Variants in BCAR3 observed in about 807,000 individuals in gnomAD.
BCAR3 encodes breast cancer anti-estrogen resistance protein 3.
In BCAR3, 37 loss-of-function variants were observed where a neutral mutation model predicts 80.1. The observed-to-expected ratio is 0.46, with a 90% CI of 0.36 to 0.61. The LOEUF is 0.61. Among genes scored for constraint, BCAR3 ranks in the 20% least tolerant of loss-of-function variants. The pLI is 0.00. For synonymous variants in BCAR3, 389 were observed against 418.9 expected, an observed-to-expected ratio of 0.93 and a Z score of 0.87; for missense variants, 978 against 1,068.2, an observed-to-expected ratio of 0.92 and a Z score of 1.18.
chr1:93,672,062 G>T lies in BCAR3; in HGVS notation c.317+2552C>A, dbSNP rs138109231. 6.8e-3 allele frequency among the ~76,000 whole-genome samples: 1,028 copies of T among 152,238 alleles called. 9 individuals are homozygous for T. In the Middle Eastern group the frequency reaches 0.071, roughly 11 times the overall value. On this transcript the variant is annotated intron_variant, in intron 2 of 11. Transcript: ENST00000260502. ...AAGATATTTTCAGTTAAGAAAAAAA[G>T]ATGTGAATTTGGATTAATATAGCTC...
At position 93,592,457 on chromosome 1, in the gene BCAR3, G is replaced by A; in HGVS notation, c.358-64C>T. ...GCCACACCAGGCCATGCCAGCTGGAGGTGACCGCCTGCTTCACTAATCCAA... is the reference window on the plus strand; with the variant it reads ...GCCACACCAGGCCATGCCAGCTGGAAGTGACCGCCTGCTTCACTAATCCAA... On this transcript the variant is annotated intron_variant, in intron 3 of 11. Transcript: ENST00000260502. The surrounding 1 kb of genome is among the most constrained non-coding windows in gnomAD (Gnocchi z 4.8). 6.6e-7 allele frequency: 1 copy of A among 1,514,086 alleles called. No individual in the cohort carries two copies. Among genetic ancestry groups the A allele is most frequent in the South Asian group, 1.3e-5 (1 of 77,846 alleles). 93.8% of individuals were successfully genotyped at this position (1,514,086 alleles called of 1,614,324 possible).
intron 7 of BCAR3, among the ~76,000 whole-genome samples, chr1:93,579,085 T>TG (rs1673591348): frequency 6.6e-6 from 1 of 151,994 alleles, no homozygotes; most frequent in Admixed American, 6.5e-5. Flanking sequence ...ACTAGGCCCT[T>TG]GGGGGGTGGG....
intron 3 of BCAR3, among the ~76,000 whole-genome samples, chr1:93,595,991 T>C (rs911952926): frequency 1.3e-5 from 2 of 152,228 alleles, no homozygotes; most frequent in South Asian, 2.1e-4. Context: ...ATTCATGGCA[T>C]AGGCTAGTTT....
At chr1:93,569,916 T>G (rs1673139504) in intron 9 of BCAR3, among the ~76,000 whole-genome samples, 1 of 152,212 alleles carries the variant, frequency 6.6e-6, no homozygotes, top group African/African-American at 2.4e-5. Context: ...GCCTGGCCTG[T>G]TGGCTCTGCT....
At chr1:93,735,767 G>T (rs1449608414) in intron 2 of BCAR3, among the ~76,000 whole-genome samples, 1 of 152,248 alleles carries the variant, frequency 6.6e-6, no homozygotes, top group Non-Finnish European at 1.5e-5. Context: ...TTTGGACCAA[G>T]GCAGCTCGCT....
At chr1:93,822,191 T>TC (rs1198520101) in intron 2 of BCAR3, among the ~76,000 whole-genome samples, 4 of 151,850 alleles carry the variant, frequency 2.6e-5, no homozygotes, top group Non-Finnish European at 5.9e-5. Context: ...TTTTTCTTTT[T>TC]TTTTTTTTGA....
chr1:93,566,814 G>A (rs758030934), intron 11 of BCAR3, among the ~76,000 whole-genome samples: 28 of 152,096 alleles, frequency 1.8e-4, no homozygotes, highest in Non-Finnish European at 3.5e-4. Flanking sequence ...TGCAACCTCC[G>A]CCTCCCGGGT....
Position 93,590,617 on chromosome 1 carries a change from T to C in BCAR3, c.487-1198A>G, listed in dbSNP as rs923000738. 3.2e-4 allele frequency among the ~76,000 whole-genome samples: 48 copies of C among 152,326 alleles called. 1 individual carries two copies. Among genetic ancestry groups the C allele is most frequent in the African/African-American group, 1.1e-3 (47 of 41,582 alleles). The stretch of plus-strand genomic sequence containing the variant: ...TAATTCTGACAATTTTTCTGGAACA[T>C]TCCAACATTTGATCAACAGTATACT... On this transcript the variant is annotated intron_variant, in intron 4 of 11. Transcript: ENST00000260502.
intron 5 of BCAR3, among the ~76,000 whole-genome samples, chr1:93,584,757 A>C (rs1159917123): frequency 6.6e-6 from 1 of 152,208 alleles, no homozygotes; most frequent in Non-Finnish European, 1.5e-5. Flanking sequence ...GTGTAACCAC[A>C]CAAGGAAAAG....
At chr1:93,731,373 T>A (rs142495396) in intron 2 of BCAR3, among the ~76,000 whole-genome samples, 1 of 152,244 alleles carries the variant, frequency 6.6e-6, no homozygotes, top group Non-Finnish European at 1.5e-5. Flanking sequence ...GAGGATTCTA[T>A]GGGAATTTCC....
chr1:93,641,650 C>T (rs775552512), intron 3 of BCAR3, among the ~76,000 whole-genome samples: 2 of 152,164 alleles, frequency 1.3e-5, no homozygotes, highest in Non-Finnish European at 2.9e-5. Context: ...AAGCATTGAC[C>T]GCCAGTCCGG....
intron 3 of BCAR3, among the ~76,000 whole-genome samples, chr1:93,610,782 C>G (rs912300862): frequency 6.6e-5 from 10 of 152,102 alleles, no homozygotes; most frequent in Non-Finnish European, 1.5e-4. Context: ...CCTGTCTCTA[C>G]TAAAAATACC....
intron 4 of BCAR3, among the ~76,000 whole-genome samples, chr1:93,591,124 GAAT>G (rs1280143730): frequency 1.0e-5 from 1 of 98,624 alleles, no homozygotes; most frequent in Non-Finnish European, 2.0e-5. Context: ...AACAAAGTCA[GAAT>G]AATAATTATT....
rs1483747100 is a variant in BCAR3 at position 93,578,232 on chromosome 1, C to A, written c.1687-2103G>T. Among the ~76,000 whole-genome samples the A allele has an allele frequency of 2.0e-5, 3 of 152,178 alleles. 1 individual carries two copies. The highest frequency in any genetic ancestry group is 2.0e-4 in the Admixed American group (3 of 15,284). On this transcript the variant is annotated intron_variant, in intron 7 of 11. Coordinates refer to ENST00000260502, the MANE Select transcript of BCAR3 (RefSeq NM_003567.4). ...GAGCCCTGATGGGGTCCCGGCCCAG[C>A]CCTCCTCCCAGCCGCAAGGGCCTTT...
intron 8 of BCAR3, 98 bp downstream of exon 8, chr1:93,575,916 C>G: frequency 1.0e-6 from 1 of 1,002,494 alleles, no homozygotes; most frequent in Non-Finnish European, 1.5e-6. Context: ...TACCCCAGGG[C>G]TAGGCTGGTG....
intron 3 of BCAR3, among the ~76,000 whole-genome samples, chr1:93,705,027 A>G (rs1649786689): frequency 6.6e-6 from 1 of 152,216 alleles, no homozygotes; most frequent in South Asian, 2.1e-4. Flanking sequence ...TGTTTAAAGC[A>G]TCTTTTCTAT....
intron 3 of BCAR3, among the ~76,000 whole-genome samples, chr1:93,690,396 T>G (rs1649148484): frequency 6.6e-6 from 1 of 152,248 alleles, no homozygotes; most frequent in Non-Finnish European, 1.5e-5. Flanking sequence ...CTACATACAT[T>G]AACTCATTTG....
At chr1:93,619,324 G>A (rs1557624730) in intron 3 of BCAR3, among the ~76,000 whole-genome samples, 1 of 152,092 alleles carries the variant, frequency 6.6e-6, no homozygotes, top group Non-Finnish European at 1.5e-5. Flanking sequence ...GGCCCAACCA[G>A]AAACAGAAAC....
At chr1:93,742,593 A>G (rs866290816) in intron 2 of BCAR3, among the ~76,000 whole-genome samples, 1 of 152,312 alleles carries the variant, frequency 6.6e-6, no homozygotes, top group Middle Eastern at 3.4e-3. Context: ...ATTTTCACCC[A>G]TTAGAAGCAG....
Sources: allele counts gnomAD v4.1 joint callset (sites outside exome capture counted in the v4.1 genomes callset), GRCh38; gene constraint gnomAD v4.1.1; non-coding constraint Gnocchi (gnomAD v3.1); transcripts MANE v1.5; gene names NCBI Gene and HGNC (gene_info 2026-07-23, HGNC 2026-07-21).